The following SYTL2 variants were observed in gnomAD, a reference collection of about 807,000 sequenced individuals.
SYTL2 encodes the protein synaptotagmin like 2, also known as synaptotagmin-like protein 2.
In SYTL2, 165 loss-of-function variants were observed where a neutral mutation model predicts 198.7. The observed-to-expected ratio is 0.83, with a 90% CI of 0.73 to 0.94. The LOEUF (loss-of-function observed/expected upper bound fraction) is 0.94, where lower values mean the gene tolerates loss of function less well. SYTL2 is among the 40% of genes least tolerant of loss of function. SYTL2 has a pLI of 0.00. For synonymous variants in SYTL2, 966 were observed against 917.7 expected (o/e 1.05, Z -0.95); for missense variants, 2,835 against 2,582.8 (o/e 1.10, Z -2.12).
Position 85,734,416 on chromosome 11 carries a change from G to A in SYTL2, c.913C>T (p.Leu305=). 3 of 1,614,182 alleles carry A rather than the reference G, an allele frequency of 1.9e-6. No homozygotes were observed. In the South Asian group the frequency reaches 3.3e-5, roughly 18 times the overall value. The change falls in exon 7 of 20, where the codon CTA becomes TTA. Residue 305 remains leucine (L), a synonymous_variant. Transcript: ENST00000359152. ...EPKSKIVSPG[L]TIHERISEKE... Reference sequence around the variant, plus strand: ...TCAGAAATTCTCTCATGGATGGTTAGGCCAGGTGACACAATTTTGCTTTTG... The same window carrying A: ...TCAGAAATTCTCTCATGGATGGTTAAGCCAGGTGACACAATTTTGCTTTTG...
chr11:85,710,349 A>G (rs290200), intron 13 of SYTL2, among the ~76,000 whole-genome samples: 90,656 of 152,002 alleles, frequency 0.6, 27,769 homozygotes, highest in Non-Finnish European at 0.66. Flanking sequence ...GGCAGATGTT[A>G]GATTTTTATC....
At chr11:85,758,643 A>T (rs766290007) in intron 1 of SYTL2, among the ~76,000 whole-genome samples, 2 of 152,204 alleles carry the variant, frequency 1.3e-5, no homozygotes, top group Non-Finnish European at 2.9e-5. Context: ...TGCTGGACCT[A>T]GAGGAACCTA....
Position 85,724,671 on chromosome 11 carries a change from C to T in SYTL2, c.4687G>A (p.Ala1563Thr). ...KAEAPLITESAFDAGFEKLLK... is the reference protein window; with the variant it reads ...KAEAPLITESTFDAGFEKLLK... ...AGTTTCTCAAAACCAGCATCAAAAGCACTCTCAGTTATTAACGGAGCCTCG... is the reference window on the plus strand; with the variant it reads ...AGTTTCTCAAAACCAGCATCAAAAGTACTCTCAGTTATTAACGGAGCCTCG... The change falls in exon 8 of 20, where the codon GCT (alanine) becomes ACT (threonine). Residue 1563 changes from alanine (A) to threonine (T), a missense_variant. This residue lies in a region of SYTL2 where 2,645 missense variants were observed against 2,381.7 expected (regional missense o/e 1.11). Coordinates refer to ENST00000359152, the MANE Select transcript of SYTL2 (RefSeq NM_206927.4). 4 of 1,613,952 alleles carry T rather than the reference C, an allele frequency of 2.5e-6. No individual in the cohort carries two copies. The highest frequency in any genetic ancestry group is 1.1e-5 in the South Asian group (1 of 91,042).
chr11:85,851,633 A>G, the SYTL2 span, among the ~76,000 whole-genome samples: 4 of 152,220 alleles, frequency 2.6e-5, no homozygotes, highest in African/African-American at 7.2e-5. Flanking sequence ...CTGACCACCA[A>G]CTGGTAAACA....
Position 85,726,456 on chromosome 11 carries a change from T to C in SYTL2, c.2902A>G (p.Met968Val), listed in dbSNP as rs72947495. 7.8e-3 allele frequency: 12,642 copies of C among 1,613,020 alleles called. 74 individuals carry two copies. The highest frequency in any genetic ancestry group is 9.4e-3 in the Non-Finnish European group (11,141 of 1,179,948). The change falls in exon 8 of 20, where the codon ATG (methionine) becomes GTG (valine). Residue 968 changes from methionine to valine, a missense_variant. Transcript: ENST00000359152. ...ACCTGTTCTGCATTGGGTTCATCCA[T>C]TCTTTCTTTTAGGGACATAACTTTA... ...NFKVMSLKER[M>V]DEPNAEQVYN...
rs1256176957 is a variant in SYTL2 at position 85,726,433 on chromosome 11, C to G, written c.2925G>C (p.Gln975His). The stretch of plus-strand genomic sequence containing the variant: ...TCTCAAACTGAGAGGGATTATAGAC[C>G]TGTTCTGCATTGGGTTCATCCATTC... ...KERMDEPNAE[Q>H]VYNPSQFENL... Residue 975 changes from glutamine (Q) to histidine (H), a missense_variant, in exon 8 of 20, where the codon CAG becomes CAC. Gln to His is a conservative substitution (Grantham distance 24). Transcript: ENST00000359152. 3.1e-6 allele frequency: 5 copies of G among 1,613,120 alleles called. No individual in the cohort carries two copies. In the African/African-American group the frequency reaches 4.0e-5, roughly 13 times the overall value.
intron 1 of SYTL2, among the ~76,000 whole-genome samples, chr11:85,784,988 G>A (rs2092614754): frequency 6.6e-6 from 1 of 152,106 alleles, no homozygotes; most frequent in Non-Finnish European, 1.5e-5. Context: ...ATTTAATGCG[G>A]TATCTTCTTA....
chr11:85,733,467 A>G (rs1314301150), intron 7 of SYTL2: 1 of 153,064 alleles, frequency 6.5e-6, no homozygotes, highest in African/African-American at 2.4e-5. Flanking sequence ...CTCCAAGCCC[A>G]TTAAGAGGTA....
At chr11:85,805,535 A>T (rs1004405506) in intron 1 of SYTL2, among the ~76,000 whole-genome samples, 1 of 152,186 alleles carries the variant, frequency 6.6e-6, no homozygotes, top group Non-Finnish European at 1.5e-5. Context: ...CCTGGGATCC[A>T]GCTAATGCCC....
chr11:85,851,545 T>A, the SYTL2 span, among the ~76,000 whole-genome samples: 1 of 152,230 alleles, frequency 6.6e-6, no homozygotes, highest in Admixed American at 6.5e-5. Context: ...TATTTCTACA[T>A]CATTCAACAT....
chr11:85,842,373 C>A, the SYTL2 span, among the ~76,000 whole-genome samples: 1 of 152,226 alleles, frequency 6.6e-6, no homozygotes, highest in African/African-American at 2.4e-5. Context: ...CAGGACCATC[C>A]TCAACTGATG....
Position 85,734,022 on chromosome 11 carries a change from T to C in SYTL2, c.1307A>G (p.Glu436Gly). ...EVLTARPQSM[E>G]NSPTINEPKD... ...GGGTTCATTGATGGTTGGTGAATTC[T>C]CCATAGACTGTGGTCTTGCAGTTAA... The change falls in exon 7 of 20, where the codon GAG becomes GGG. Residue 436 changes from glutamate to glycine, a missense_variant. Glu to Gly is a moderately conservative substitution (Grantham distance 98). Transcript: ENST00000359152. 1 of 1,614,092 alleles carries C rather than the reference T, an allele frequency of 6.2e-7. No individual in the cohort carries two copies. Among genetic ancestry groups the C allele is most frequent in the Non-Finnish European group, 8.5e-7 (1 of 1,179,914 alleles).
chr11:85,737,460 T>G (rs2090438937), intron 5 of SYTL2, 115 bp downstream of exon 5: 1 of 762,290 alleles, frequency 1.3e-6, no homozygotes, highest in East Asian at 2.7e-5. Context: ...TTACCTGTAT[T>G]TGGTACCAAA....
chr11:85,732,873 T>C (rs2089953306), intron 7 of SYTL2, among the ~76,000 whole-genome samples: 1 of 152,224 alleles, frequency 6.6e-6, no homozygotes, highest in South Asian at 2.1e-4. Flanking sequence ...GCATGTTTTT[T>C]TCTATTGTTT....
At chr11:85,713,081 C>T (rs2086599070) in intron 12 of SYTL2, among the ~76,000 whole-genome samples, 1 of 152,148 alleles carries the variant, frequency 6.6e-6, no homozygotes. Context: ...TAATGAATTA[C>T]TTCCAAAGAA....
At chr11:85,838,516 C>T in the SYTL2 span, among the ~76,000 whole-genome samples, 1 of 152,258 alleles carries the variant, frequency 6.6e-6, no homozygotes, top group South Asian at 2.1e-4. Flanking sequence ...TCTGCTTGGC[C>T]TCTAGGGAAG....
At chr11:85,829,475 C>T in the SYTL2 span, among the ~76,000 whole-genome samples, 87 of 152,266 alleles carry the variant, frequency 5.7e-4, 1 homozygote, top group Middle Eastern at 6.8e-3. Context: ...AGGTTGATTC[C>T]ATGTCTTTGC....
At chr11:85,770,168 A>G (rs1247844133) in intron 1 of SYTL2, among the ~76,000 whole-genome samples, 2 of 152,186 alleles carry the variant, frequency 1.3e-5, no homozygotes, top group Non-Finnish European at 2.9e-5. Context: ...TGCATCTGCT[A>G]TACAAATCCC....
chr11:85,780,269 T>C (rs1361992118), intron 1 of SYTL2, among the ~76,000 whole-genome samples: 2 of 152,254 alleles, frequency 1.3e-5, no homozygotes, highest in African/African-American at 4.8e-5. Context: ...CTCTCTGTGA[T>C]ATTGTGAAAT....
Sources: allele counts gnomAD v4.1 joint callset (sites outside exome capture counted in the v4.1 genomes callset), GRCh38; gene constraint gnomAD v4.1.1; regional missense constraint gnomAD v4.1.1; transcripts MANE v1.5; gene names NCBI Gene and HGNC (gene_info 2026-07-23, HGNC 2026-07-21).